The following PTPRD variants were observed in gnomAD, a reference collection of about 807,000 sequenced individuals.
PTPRD encodes the protein receptor-type tyrosine-protein phosphatase delta.
In PTPRD, 34 loss-of-function variants were observed where a neutral mutation model predicts 214.5. That is an observed-to-expected ratio of 0.16 (90% confidence interval 0.12 to 0.21). The LOEUF (loss-of-function observed/expected upper bound fraction) is 0.21, where lower values mean the gene tolerates loss of function less well. PTPRD is among the 10% of genes least tolerant of loss of function. The probability of loss-of-function intolerance (pLI) is 1.00; values close to 1 mark genes in which losing one functional copy is unlikely to be tolerated. For missense variants in PTPRD, 2,545 were observed against 2,398.7 expected (o/e 1.06, Z -1.27); for synonymous variants, 1,128 against 845.7 (o/e 1.33, Z -5.79).
At chr9:8,745,116 C>A (rs2092642435) in intron 11 of PTPRD, among the ~76,000 whole-genome samples, 2 of 152,148 alleles carry the variant, frequency 1.3e-5, no homozygotes, top group Admixed American at 1.3e-4. Flanking sequence ...AATGAAACCA[C>A]AGACTGATAA....
At chr9:8,826,438 T>C (rs1170079218) in intron 11 of PTPRD, among the ~76,000 whole-genome samples, 1 of 152,156 alleles carries the variant, frequency 6.6e-6, no homozygotes, top group Non-Finnish European at 1.5e-5. Context: ...TCTCCAATCT[T>C]AATCACTTTT....
At chr9:9,768,989 C>A (rs1027455046) in intron 5 of PTPRD, among the ~76,000 whole-genome samples, 5 of 151,978 alleles carry the variant, frequency 3.3e-5, no homozygotes, top group African/African-American at 4.8e-5. Context: ...GCACATACAC[C>A]CTAGGATGGG....
At chr9:9,468,232 T>G (rs779807263) in intron 8 of PTPRD, among the ~76,000 whole-genome samples, 23 of 152,174 alleles carry the variant, frequency 1.5e-4, no homozygotes, top group Admixed American at 3.3e-4. Flanking sequence ...TCACTTTCAG[T>G]AATTTATATA....
At chr9:9,624,960 A>C (rs1321038133) in intron 7 of PTPRD, among the ~76,000 whole-genome samples, 1 of 152,206 alleles carries the variant, frequency 6.6e-6, no homozygotes, top group Non-Finnish European at 1.5e-5. Flanking sequence ...AATATTAAAG[A>C]ATTATTGCAA....
At chr9:10,459,758 TC>T (rs2098945008) in intron 2 of PTPRD, among the ~76,000 whole-genome samples, 1 of 152,126 alleles carries the variant, frequency 6.6e-6, no homozygotes. Context: ...GATTGTTTTT[TC>T]TTGTAAATTT....
intron 11 of PTPRD, among the ~76,000 whole-genome samples, chr9:8,762,400 G>C (rs1358036309): frequency 6.6e-6 from 1 of 152,138 alleles, no homozygotes; most frequent in African/African-American, 2.4e-5. Flanking sequence ...GCAGAAGTCA[G>C]CTATGTTGAT....
At chr9:9,542,205 G>C (rs1304311047) in intron 8 of PTPRD, among the ~76,000 whole-genome samples, 1 of 151,754 alleles carries the variant, frequency 6.6e-6, no homozygotes, top group Non-Finnish European at 1.5e-5. Context: ...CCTGGAGACA[G>C]TATAAGAACA....
chr9:9,103,176 T>A (rs2099793638), intron 10 of PTPRD, among the ~76,000 whole-genome samples: 1 of 152,198 alleles, frequency 6.6e-6, no homozygotes, highest in Non-Finnish European at 1.5e-5. Context: ...GGTTAGCCAA[T>A]GTATTTTTTA....
chr9:9,163,220 G>T (rs2099893960), intron 10 of PTPRD, among the ~76,000 whole-genome samples: 1 of 151,972 alleles, frequency 6.6e-6, no homozygotes, highest in South Asian at 2.1e-4. Context: ...TCTTCCTTCA[G>T]TACAGACATC....
chr9:10,065,141 T>TAGAAAGAA (rs554379074), intron 3 of PTPRD, among the ~76,000 whole-genome samples: 7,132 of 106,772 alleles, frequency 0.067, 345 homozygotes, highest in Non-Finnish European at 0.073. Flanking sequence ...TGACTTGGAT[T>TAGAAAGAA]AGAAAGAAAG....
At chr9:9,830,874 T>A (rs918221007) in intron 5 of PTPRD, among the ~76,000 whole-genome samples, 2 of 151,646 alleles carry the variant, frequency 1.3e-5, no homozygotes, top group Non-Finnish European at 2.9e-5. Flanking sequence ...ACTTAATTAT[T>A]TTTTTTTACT....
intron 8 of PTPRD, among the ~76,000 whole-genome samples, chr9:9,474,710 T>C (rs1413572970): frequency 1.3e-5 from 2 of 152,042 alleles, no homozygotes; most frequent in African/African-American, 4.8e-5. Context: ...ATAAATGAGA[T>C]TACTATCTTG....
At chr9:8,402,813 G>T (rs1208303381) in intron 36 of PTPRD, among the ~76,000 whole-genome samples, 1 of 151,828 alleles carries the variant, frequency 6.6e-6, no homozygotes, top group African/African-American at 2.4e-5. Flanking sequence ...TTACCCATTT[G>T]ACATTATTAT....
intron 2 of PTPRD, among the ~76,000 whole-genome samples, chr9:10,559,839 C>A (rs929197533): frequency 2.8e-4 from 42 of 152,132 alleles, no homozygotes; most frequent in African/African-American, 9.6e-4. Context: ...CAGAGAAATG[C>A]AAATCAAAAC....
chr9:9,873,747 T>G (rs1328111566), intron 5 of PTPRD, among the ~76,000 whole-genome samples: 1 of 152,198 alleles, frequency 6.6e-6, no homozygotes, highest in Non-Finnish European at 1.5e-5. Flanking sequence ...AATTAAAATA[T>G]TCTTTCTCCA....
chr9:10,482,036 T>C (rs1184402333), intron 2 of PTPRD, among the ~76,000 whole-genome samples: 1 of 151,606 alleles, frequency 6.6e-6, no homozygotes, highest in Admixed American at 6.6e-5. Context: ...GAAAGAAATA[T>C]AAAAAAGTGA....
intron 7 of PTPRD, among the ~76,000 whole-genome samples, chr9:9,629,874 G>A (rs779099075): frequency 6.8e-6 from 1 of 147,400 alleles, no homozygotes; most frequent in Non-Finnish European, 1.5e-5. Flanking sequence ...TGCTTAAGCA[G>A]TGATCTTGGC....
At chr9:9,767,573 A>T (rs762710006) in intron 5 of PTPRD, among the ~76,000 whole-genome samples, 12 of 152,112 alleles carry the variant, frequency 7.9e-5, no homozygotes, top group Admixed American at 3.9e-4. Flanking sequence ...TAAATCTGAG[A>T]ACTCACATTG....
At chr9:10,547,910 G>T (rs771389024) in intron 2 of PTPRD, among the ~76,000 whole-genome samples, 1 of 152,006 alleles carries the variant, frequency 6.6e-6, no homozygotes, top group Non-Finnish European at 1.5e-5. Flanking sequence ...AGATGTAGTT[G>T]CATGGTAATT....
Sources: gnomAD v4.1 joint callset for allele counts (sites outside exome capture counted in the v4.1 genomes callset) on GRCh38, gnomAD v4.1.1 for gene constraint, MANE v1.5 for transcripts, NCBI Gene and HGNC (gene_info 2026-07-23, HGNC 2026-07-21) for gene names.